ARHGEF12: variants seen among roughly 807,000 people sequenced by gnomAD.
ARHGEF12 encodes the protein KMT2A/ARHGEF12 fusion protein.
Under a neutral mutation model 211.2 loss-of-function variants are expected in ARHGEF12, and 66 were observed. The observed-to-expected ratio is 0.31, with a 90% confidence interval of 0.26 to 0.38. The LOEUF (loss-of-function observed/expected upper bound fraction) is 0.38, where lower values mean the gene tolerates loss of function less well. Ranked by LOEUF, ARHGEF12 falls within the 10% of genes least tolerant of loss-of-function variation. The probability of loss-of-function intolerance (pLI) is 1.00; values close to 1 mark genes in which losing one functional copy is unlikely to be tolerated. For synonymous variants in ARHGEF12, 592 were observed against 638.4 expected (o/e 0.93, Z 1.09); for missense variants, 1,429 against 1,869.5 (o/e 0.76, Z 4.34).
intron 24 of ARHGEF12, 140 bp downstream of exon 24, chr11:120,457,896 A>G: frequency 8.7e-7 from 1 of 1,146,924 alleles, no homozygotes; most frequent in South Asian, 1.6e-5. Flanking sequence ...CTTAAGAAAC[A>G]CTGGTCATTC....
In ARHGEF12 at chr11:120,474,619, T is replaced by A; in HGVS notation, c.3093T>A (p.Asn1031Lys). ...AAGGGCCATTGGTTTGGAAGGTGAA[T>A]AGAGATAAAACTATTGGTAGGTCTG... The part of the protein sequence containing the change: ...IHEGPLVWKV[N>K]RDKTIDLYTL... Residue 1031 changes from asparagine to lysine, a missense_variant, in exon 32 of 41, where the codon AAT (asparagine) becomes AAA (lysine). Physicochemically the swap from Asn to Lys is moderately conservative, Grantham distance 94. Transcript: ENST00000397843. 6.2e-7 allele frequency: 1 copy of A among 1,606,156 alleles called. No individual in the cohort carries two copies. Among genetic ancestry groups the A allele is most frequent in the Non-Finnish European group, 8.5e-7 (1 of 1,174,488 alleles).
rs376827432 is a variant in ARHGEF12, at chr11:120,447,941, A to AG, written c.1622+36dup. 3.3e-5 allele frequency: 49 copies of AG among 1,469,552 alleles called. No individual in the cohort carries two copies. In the African/African-American group the frequency reaches 5.4e-4, roughly 16 times the overall value. The allele number at this position is 1,469,552 out of a possible 1,614,324, so 91.0% of individuals were successfully genotyped here. Reference sequence around the variant, plus strand: ...CTGTTTTTTTTCCCCTAGAATTTTAAGAAAAAAAGAACTATGTTTTTTTCC... The same window carrying AG: ...CTGTTTTTTTTCCCCTAGAATTTTAAGGAAAAAAAGAACTATGTTTTTTTCC... On this transcript the variant is annotated intron_variant, in intron 19 of 40. Transcript: ENST00000397843.
Position 120,407,791 on chromosome 11 carries a change from A to G in ARHGEF12, c.110A>G (p.Glu37Gly). 6.2e-7 allele frequency: 1 copy of G among 1,613,758 alleles called. No homozygotes were observed. Among genetic ancestry groups the G allele is most frequent in the South Asian group, 1.1e-5 (1 of 91,030 alleles). The change falls in exon 3 of 41, where the codon GAG becomes GGG. Residue 37 changes from glutamate to glycine, a missense_variant. Transcript: ENST00000397843. ...CCAACAGATAAGAAGCAGAAAGTTG[A>G]GCGCATTGCATCACATGATTTTGAC... ...ESPTDKKQKV[E>G]RIASHDFDPT...
At chr11:120,399,164 A>T (rs1212841925) in intron 1 of ARHGEF12, among the ~76,000 whole-genome samples, 1 of 151,374 alleles carries the variant, frequency 6.6e-6, no homozygotes, top group East Asian at 1.9e-4. Context: ...AAAAATTCTT[A>T]AAAAATTTAG....
chr11:120,348,366 T>G (rs1361093252), intron 1 of ARHGEF12, among the ~76,000 whole-genome samples: 6 of 152,228 alleles, frequency 3.9e-5, no homozygotes, highest in African/African-American at 1.4e-4. Flanking sequence ...AACATTAGTT[T>G]CAGAGGTAAT....
At chr11:120,361,306 G>A (rs554239757) in intron 1 of ARHGEF12, among the ~76,000 whole-genome samples, 1 of 152,300 alleles carries the variant, frequency 6.6e-6, no homozygotes, top group South Asian at 2.1e-4. Context: ...GAACCCTGTT[G>A]TGAACTGCAC....
chr11:120,378,854 T>G (rs1943802872), intron 1 of ARHGEF12, among the ~76,000 whole-genome samples: 1 of 152,234 alleles, frequency 6.6e-6, no homozygotes, highest in Non-Finnish European at 1.5e-5. Context: ...TTGATTGATT[T>G]ATTACCTTAG....
At chr11:120,429,590 C>A in intron 9 of ARHGEF12, 73 bp downstream of exon 9, 8 of 1,568,740 alleles carry the variant, frequency 5.1e-6, no homozygotes, top group African/African-American at 1.4e-5. Flanking sequence ...TGGTGTTTAT[C>A]AGTCACAATC....
At chr11:120,454,168 T>G (rs930825828) in intron 22 of ARHGEF12, among the ~76,000 whole-genome samples, 3 of 152,158 alleles carry the variant, frequency 2.0e-5, no homozygotes, top group African/African-American at 7.2e-5. Context: ...TATTACTATA[T>G]AGCAGCAAAA....
At chr11:120,406,481 A>G (rs986958300) in intron 2 of ARHGEF12, among the ~76,000 whole-genome samples, 1 of 152,116 alleles carries the variant, frequency 6.6e-6, no homozygotes, top group African/African-American at 2.4e-5. Context: ...GATGTGTTTT[A>G]TCACTTGTGT....
Position 120,473,072 on chromosome 11 carries a change from G to A in ARHGEF12, c.2978G>A (p.Arg993His), listed in dbSNP as rs34726241. ...NKQRLEDYQR[R>H]LDTSSLKLSE... ...CAGCGCCTAGAAGATTATCAGCGTC[G>A]CCTTGATACCTCCAGCCTGAAGTTG... The change falls in exon 31 of 41, where the codon CGC becomes CAC. Residue 993 changes from arginine to histidine, a missense_variant. Around this residue, in one of 7 missense-constraint regions of ARHGEF12, gnomAD observed 223 missense variants for 444.6 expected, o/e 0.50. Transcript: ENST00000397843. 20 of 1,613,488 alleles carry A rather than the reference G, an allele frequency of 1.2e-5. No individual in the cohort carries two copies. The highest frequency in any genetic ancestry group is 4.0e-5 in the African/African-American group (3 of 74,902).
At chr11:120,481,615 G>C in intron 39 of ARHGEF12, 39 bp downstream of exon 39, 5 of 1,583,098 alleles carry the variant, frequency 3.2e-6, no homozygotes, top group Non-Finnish European at 4.3e-6. Context: ...TTGGTTGTAA[G>C]AAACATTTAG....
intron 1 of ARHGEF12, among the ~76,000 whole-genome samples, chr11:120,361,114 A>G (rs1943262978): frequency 6.6e-6 from 1 of 152,224 alleles, no homozygotes; most frequent in Non-Finnish European, 1.5e-5. Context: ...TAATTCAAGC[A>G]CTAATAAAAA....
chr11:120,481,763 T>TC (rs913659438), intron 39 of ARHGEF12, among the ~76,000 whole-genome samples, 187 bp downstream of exon 39: 2 of 148,860 alleles, frequency 1.3e-5, no homozygotes, highest in African/African-American at 4.9e-5. Context: ...TTTCTTTCTT[T>TC]TTTTTTTTTT....
rs745871061 is a variant in ARHGEF12, at chr11:120,431,809, C to T, written c.822C>T (p.Asp274=). 5 of 1,613,448 alleles carry T rather than the reference C, an allele frequency of 3.1e-6. No individual in the cohort carries two copies. In the East Asian group the frequency reaches 1.1e-4, roughly 36 times the overall value. The part of the protein sequence containing the change: ...AVVTPSRPLG[D]TLTVSEAETD... The stretch of plus-strand genomic sequence containing the variant: ...TTACACCCTCCAGACCTTTAGGGGA[C>T]ACCCTAACAGTCAGTGAGGCAGAAA... Residue 274 remains aspartate (D), a synonymous_variant, in exon 11 of 41, where the codon GAC becomes GAT. Transcript: ENST00000397843.
intron 39 of ARHGEF12, 123 bp downstream of exon 39, chr11:120,481,699 T>C: frequency 1.1e-6 from 1 of 874,378 alleles, no homozygotes; most frequent in South Asian, 1.7e-5. Flanking sequence ...CTTTGACTAT[T>C]ATCCATGAAT....
At position 120,345,959 on chromosome 11, in the gene ARHGEF12, C is replaced by T. The variant is rs143252403; in HGVS notation, c.32+8684C>T. 2.3e-3 allele frequency among the ~76,000 whole-genome samples: 343 copies of T among 151,986 alleles called. 1 individual carries two copies. Among genetic ancestry groups the T allele is most frequent in the African/African-American group, 7.5e-3 (310 of 41,456 alleles). Reference sequence around the variant, plus strand: ...GCAGAAGGAAGAAAAATAAATGGCCCAAATGATCCAACTACCCAGATGTTG... The same window carrying T: ...GCAGAAGGAAGAAAAATAAATGGCCTAAATGATCCAACTACCCAGATGTTG... On this transcript the variant is annotated intron_variant, in intron 1 of 40. Transcript: ENST00000397843.
chr11:120,465,866 A>G (rs144482374), intron 28 of ARHGEF12, among the ~76,000 whole-genome samples: 248 of 152,380 alleles, frequency 1.6e-3, no homozygotes, highest in African/African-American at 5.7e-3. Flanking sequence ...TGTCAGGATT[A>G]AAATACTTAA....
intron 12 of ARHGEF12, chr11:120,439,353 A>G (rs764282946): frequency 1.3e-5 from 2 of 152,116 alleles, no homozygotes; most frequent in Non-Finnish European, 2.9e-5. Flanking sequence ...TGTATCAGTG[A>G]TTTTTCAATC....
Sources: allele counts gnomAD v4.1 joint callset (sites outside exome capture counted in the v4.1 genomes callset), GRCh38; gene constraint gnomAD v4.1.1; regional missense constraint gnomAD v4.1.1; transcripts MANE v1.5; gene names NCBI Gene and HGNC (gene_info 2026-07-23, HGNC 2026-07-21).